ARSK: variants seen among roughly 807,000 people sequenced by gnomAD.
ARSK encodes arylsulfatase family member K.
A neutral mutation model predicts 53.2 loss-of-function variants in ARSK; 37 were observed. The ratio of observed to expected loss-of-function variants is 0.70; its 90% CI spans 0.54 to 0.92. The LOEUF (loss-of-function observed/expected upper bound fraction) is 0.92. Ranked by LOEUF, ARSK falls within the 40% of genes least tolerant of loss-of-function variation. ARSK has a pLI of 0.00. For synonymous variants in ARSK, 208 were observed against 223.2 expected (o/e 0.93, Z 0.61); for missense variants, 613 against 643.0 (o/e 0.95, Z 0.51).
At chr5:95,568,577 T>C (rs1748770743) in intron 3 of ARSK, among the ~76,000 whole-genome samples, 1 of 152,202 alleles carries the variant, frequency 6.6e-6, no homozygotes, top group African/African-American at 2.4e-5. Flanking sequence ...CTTGGACACA[T>C]TGTCTAAATG....
chr5:95,562,366 T>C (rs1243987741), intron 1 of ARSK, among the ~76,000 whole-genome samples: 1 of 152,192 alleles, frequency 6.6e-6, no homozygotes, highest in Non-Finnish European at 1.5e-5. Flanking sequence ...TTTGCTGAGG[T>C]TTCAGGAGTG....
Position 95,583,127 on chromosome 5 carries a change from T to A in ARSK, c.628T>A (p.Tyr210Asn). 6.2e-7 allele frequency: 1 copy of A among 1,610,418 alleles called. No individual in the cohort carries two copies. The highest frequency in any genetic ancestry group is 8.5e-7 in the Non-Finnish European group (1 of 1,177,378). Residue 210 changes from tyrosine to asparagine, a missense_variant, in exon 4 of 8, where the codon TAC (tyrosine) becomes AAC (asparagine). By Grantham distance (143) the Tyr-to-Asn change is moderately radical (BLOSUM62 -2). Coordinates refer to ENST00000380009, the MANE Select transcript of ARSK (RefSeq NM_198150.3). ...IYLGLNLPHP[Y>N]PSPSSGENFG... ...CTTGGGATTAAATTTACCACACCCTTACCCTTCACCATCTTCTGGAGAAAA... is the reference window on the plus strand; with the variant it reads ...CTTGGGATTAAATTTACCACACCCTAACCCTTCACCATCTTCTGGAGAAAA...
intron 1 of ARSK, among the ~76,000 whole-genome samples, chr5:95,564,121 G>T (rs1041497397): frequency 1.3e-5 from 2 of 151,900 alleles, no homozygotes. Context: ...GGGATCACAG[G>T]CACCTGCCAC....
intron 1 of ARSK, among the ~76,000 whole-genome samples, chr5:95,558,949 T>C (rs1221560737): frequency 1.3e-5 from 2 of 152,174 alleles, no homozygotes; most frequent in African/African-American, 2.4e-5. Context: ...GAGACCAGCC[T>C]GGCCAACATG....
chr5:95,555,236 A>T lies in ARSK; in HGVS notation c.-43A>T. 6.5e-7 allele frequency: 1 copy of T among 1,542,116 alleles called. No individual in the cohort carries two copies. Among genetic ancestry groups the T allele is most frequent in the East Asian group, 2.5e-5 (1 of 40,416 alleles). ...CTGCTAGGGAGAGAACGCCAGAGGGAGGCGGCTGGCCCGGCGGCAGGCTCT... is the reference window on the plus strand; with the variant it reads ...CTGCTAGGGAGAGAACGCCAGAGGGTGGCGGCTGGCCCGGCGGCAGGCTCT... On this transcript the variant is annotated 5_prime_UTR_variant, in exon 1 of 8. Coordinates refer to ENST00000380009, the MANE Select transcript of ARSK (RefSeq NM_198150.3). This position sits in a 1 kb window ranked among gnomAD's most constrained non-coding sequence, Gnocchi z 4.0.
intron 4 of ARSK, among the ~76,000 whole-genome samples, chr5:95,584,949 AC>A (rs1417697432): frequency 2.0e-5 from 3 of 152,104 alleles, no homozygotes; most frequent in African/African-American, 7.2e-5. Flanking sequence ...GGCGGAGGTT[AC>A]AGTGAACCGA....
rs571323961 is a variant in ARSK, at chr5:95,594,240, C to CA, written c.1096+2620dup. Among the ~76,000 whole-genome samples, 738 of 152,204 alleles carry CA rather than the reference C, an allele frequency of 4.8e-3. 5 individuals are homozygous for CA. Among genetic ancestry groups the CA allele is most frequent in the Middle Eastern group, 0.024 (7 of 294 alleles). On this transcript the variant is annotated intron_variant, in intron 6 of 7. Coordinates refer to ENST00000380009, the MANE Select transcript of ARSK (RefSeq NM_198150.3). ...TAATGGTAGAAAGAGAACAATGCAA[C>CA]AAAAACCTTATGCTGGAGCCAGGAG...
intron 1 of ARSK, among the ~76,000 whole-genome samples, chr5:95,561,982 C>T (rs980367327): frequency 9.9e-5 from 15 of 152,122 alleles, no homozygotes; most frequent in African/African-American, 2.9e-4. Flanking sequence ...TGGGAAGCCA[C>T]GGCGAGCAGA....
At chr5:95,569,630 C>G (rs1189247448) in intron 3 of ARSK, among the ~76,000 whole-genome samples, 1 of 152,156 alleles carries the variant, frequency 6.6e-6, no homozygotes, top group African/African-American at 2.4e-5. Flanking sequence ...CCAGAGTCTT[C>G]AGAGGGAATG....
At chr5:95,595,397 A>G (rs971149813) in intron 6 of ARSK, among the ~76,000 whole-genome samples, 4 of 152,230 alleles carry the variant, frequency 2.6e-5, no homozygotes, top group African/African-American at 4.8e-5. Context: ...ACTATTCACA[A>G]TAGTAAAGGC....
Position 95,603,579 on chromosome 5 carries a change from T to C in ARSK, c.*53T>C. ...AGATACATATAAATATATTACAAGA[T>C]CATAATTATGTATTTTAAATGAAAC... On this transcript the variant is annotated 3_prime_UTR_variant, in exon 8 of 8. Coordinates refer to ENST00000380009, the MANE Select transcript of ARSK (RefSeq NM_198150.3). The C allele has an allele frequency of 2.2e-6, 3 of 1,392,316 alleles. No homozygotes were observed. The highest frequency in any genetic ancestry group is 2.9e-6 in the Non-Finnish European group (3 of 1,052,038). The allele number at this position is 1,392,316 out of a possible 1,614,324, so 86.2% of individuals were successfully genotyped here.
intron 5 of ARSK, among the ~76,000 whole-genome samples, chr5:95,587,951 A>G (rs1399374126): frequency 6.6e-6 from 1 of 152,018 alleles, no homozygotes; most frequent in Non-Finnish European, 1.5e-5. Context: ...AGGACTTTCC[A>G]AGTACTCAAT....
chr5:95,555,453 C>T lies in ARSK; in HGVS notation c.126+49C>T, dbSNP rs747827747. 1.0e-5 allele frequency: 16 copies of T among 1,551,812 alleles called. No homozygotes were observed. The African/African-American group carries it at 1.9e-4, about 19-fold the overall frequency. On this transcript the variant is annotated intron_variant, in intron 1 of 7. Transcript: ENST00000380009. This position sits in a 1 kb window ranked among gnomAD's most constrained non-coding sequence, Gnocchi z 4.0. ...GGGCGCCCCGCTGGGGATCGGCGAC[C>T]TCACCGCCGCCGCCTGTGCTGCAGG...
intron 7 of ARSK, among the ~76,000 whole-genome samples, chr5:95,601,415 C>T (rs1749400207): frequency 1.3e-5 from 2 of 152,274 alleles, no homozygotes; most frequent in South Asian, 4.1e-4. Flanking sequence ...TCTTATGAAG[C>T]CTGACATTTT....
intron 3 of ARSK, 139 bp from the exon 4 acceptor site, chr5:95,582,777 G>A (rs922888019): frequency 2.6e-6 from 2 of 769,810 alleles, no homozygotes; most frequent in East Asian, 2.8e-5. Context: ...TTCTTTTTGA[G>A]ATCTAATATA....
intron 1 of ARSK, among the ~76,000 whole-genome samples, chr5:95,561,687 A>G (rs2112411584): frequency 6.6e-6 from 1 of 152,372 alleles, no homozygotes; most frequent in East Asian, 1.9e-4. Context: ...AAATGTCCAG[A>G]AAAAGCAAAC....
At chr5:95,580,878 A>G in intron 3 of ARSK, 3 of 1,282,562 alleles carry the variant, frequency 2.3e-6, no homozygotes, top group Non-Finnish European at 3.0e-6. Context: ...ATAAATTGTT[A>G]TTTTACACTT....
intron 6 of ARSK, among the ~76,000 whole-genome samples, chr5:95,596,857 G>GT (rs897600545): frequency 8.6e-5 from 13 of 151,796 alleles, no homozygotes; most frequent in African/African-American, 2.7e-4. Flanking sequence ...TAAAAGAGTG[G>GT]TTTTTTTAAA....
chr5:95,576,607 G>A (rs767379253), intron 3 of ARSK, among the ~76,000 whole-genome samples: 20 of 151,848 alleles, frequency 1.3e-4, no homozygotes, highest in Non-Finnish European at 2.2e-4. Context: ...GATTGGAACC[G>A]GGCGCAGTAG....
Sources: allele counts gnomAD v4.1 joint callset (sites outside exome capture counted in the v4.1 genomes callset), GRCh38; gene constraint gnomAD v4.1.1; non-coding constraint Gnocchi (gnomAD v3.1); transcripts MANE v1.5; gene names NCBI Gene and HGNC (gene_info 2026-07-23, HGNC 2026-07-21).